Variants in ANKRD36C observed in about 807,000 individuals in gnomAD.
ANKRD36C encodes the protein ankyrin repeat domain 36C.
Under a neutral mutation model 276.4 loss-of-function variants are expected in ANKRD36C, and 61 were observed. The ratio of observed to expected loss-of-function variants is 0.22; its 90% CI spans 0.18 to 0.27. The LOEUF (loss-of-function observed/expected upper bound fraction) is 0.27, where lower values mean the gene tolerates loss of function less well. Among genes scored for constraint, ANKRD36C ranks in the 10% least tolerant of loss-of-function variants. The probability of loss-of-function intolerance (pLI) is 1.00; values close to 1 mark genes in which losing one functional copy is unlikely to be tolerated. For synonymous variants in ANKRD36C, 483 were observed against 680.1 expected (o/e 0.71, Z 4.51); for missense variants, 1,447 against 2,032.3 (o/e 0.71, Z 5.54).
chr2:95,862,321 T>C (rs1675605441), intron 60 of ANKRD36C, among the ~76,000 whole-genome samples: 1 of 151,904 alleles, frequency 6.6e-6, no homozygotes, highest in South Asian at 2.1e-4. Context: ...ATTTAAGTCA[T>C]ACAAAGTATG....
downstream of ANKRD36C, among the ~76,000 whole-genome samples, chr2:95,850,229 G>A (rs1343092130): frequency 6.6e-6 from 1 of 152,282 alleles, no homozygotes; most frequent in Non-Finnish European, 1.5e-5. Context: ...CAGCAACCAT[G>A]TGCTAAGGTA....
chr2:95,893,347 T>C (rs1676431598), intron 44 of ANKRD36C, among the ~76,000 whole-genome samples, 186 bp downstream of exon 64: 1 of 151,096 alleles, frequency 6.6e-6, no homozygotes, highest in South Asian at 2.1e-4. Flanking sequence ...TGTATAATCT[T>C]ACAGCCAAGG....
At chr2:95,890,299 T>C (rs903283168) in intron 46 of ANKRD36C, among the ~76,000 whole-genome samples, 1 of 151,646 alleles carries the variant, frequency 6.6e-6, no homozygotes, top group African/African-American at 2.4e-5. Context: ...TGATCTAAAA[T>C]CAGGGGAGCA....
intron 58 of ANKRD36C, among the ~76,000 whole-genome samples, chr2:95,879,766 A>C (rs926251903): frequency 1.3e-5 from 2 of 151,940 alleles, no homozygotes; most frequent in African/African-American, 4.8e-5. Context: ...TTGACTTTTA[A>C]AGCAAAACAA....
intron 34 of ANKRD36C, 22 bp from the exon 37 acceptor site, chr2:95,918,064 T>A (rs1398421965): frequency 6.3e-7 from 1 of 1,597,402 alleles, no homozygotes; most frequent in Non-Finnish European, 8.5e-7. Flanking sequence ...AAGGGATACA[T>A]AATCACTCAT....
At chr2:95,939,107 C>G in intron 20 of ANKRD36C, 92 bp from the exon 21 acceptor site, 3 of 1,473,598 alleles carry the variant, frequency 2.0e-6, no homozygotes, top group Non-Finnish European at 2.7e-6. Flanking sequence ...CTGAAATCTT[C>G]GTGCTTGCCC....
chr2:95,933,942 A>G (rs971864515), intron 24 of ANKRD36C, among the ~76,000 whole-genome samples: 5 of 152,286 alleles, frequency 3.3e-5, no homozygotes, highest in Non-Finnish European at 7.3e-5. Context: ...CTCATCAAAA[A>G]GTGGGTGAAG....
intron 58 of ANKRD36C, among the ~76,000 whole-genome samples, chr2:95,879,831 C>G (rs573510518): frequency 6.8e-6 from 1 of 147,542 alleles, no homozygotes; most frequent in Admixed American, 6.8e-5. Context: ...TATTGAAATT[C>G]CAAATTGGAA....
At chr2:95,969,253 G>A (rs576546325) in intron 6 of ANKRD36C, among the ~76,000 whole-genome samples, 1 of 152,272 alleles carries the variant, frequency 6.6e-6, no homozygotes, top group African/African-American at 2.4e-5. Flanking sequence ...CCTGCCATAA[G>A]TCAATCATTA....
chr2:95,857,550 T>C, intron 61 of ANKRD36C, 58 bp from the exon 82 acceptor site: 3 of 1,497,532 alleles, frequency 2.0e-6, no homozygotes, highest in Non-Finnish European at 2.7e-6. Context: ...CTCTAATTTT[T>C]TATCTTACCC....
chr2:95,948,835 A>G (rs548868737), intron 16 of ANKRD36C, among the ~76,000 whole-genome samples: 2 of 152,242 alleles, frequency 1.3e-5, no homozygotes, highest in South Asian at 4.1e-4. Flanking sequence ...GAAATATCCA[A>G]TGCAGACTCA....
intron 44 of ANKRD36C, among the ~76,000 whole-genome samples, chr2:95,896,310 C>T (rs1262081463): frequency 6.7e-6 from 1 of 149,540 alleles, no homozygotes; most frequent in East Asian, 2.0e-4. Flanking sequence ...CTTTGACATA[C>T]TTCTACAAAG....
chr2:95,920,345 G>A (rs1335124508), intron 34 of ANKRD36C, among the ~76,000 whole-genome samples: 1 of 131,924 alleles, frequency 7.6e-6, no homozygotes, highest in African/African-American at 2.6e-5. Flanking sequence ...CATTCATCAT[G>A]CTCTTTAACT....
intron 59 of ANKRD36C, among the ~76,000 whole-genome samples, chr2:95,871,792 C>T (rs1558622125): frequency 2.0e-5 from 3 of 151,780 alleles, no homozygotes; most frequent in South Asian, 2.1e-4. Flanking sequence ...CAGAGACACA[C>T]ATAGGCTCAA....
chr2:95,911,046 A>G (rs529312265), intron 42 of ANKRD36C, among the ~76,000 whole-genome samples: 2 of 151,644 alleles, frequency 1.3e-5, no homozygotes, highest in Admixed American at 1.3e-4. Flanking sequence ...ACGATACTTC[A>G]GTTGAACTTA....
Position 95,946,558 on chromosome 2 carries a change from G to T in ANKRD36C, c.1363-1384C>A, listed in dbSNP as rs1678056598. ...TTTGACCCAGCCATCCCATTACTGGGTATATACCCAAAGGACTATAAATCA... is the reference window on the plus strand; with the variant it reads ...TTTGACCCAGCCATCCCATTACTGGTTATATACCCAAAGGACTATAAATCA... On this transcript the variant is annotated intron_variant, in intron 17 of 66. Coordinates refer to ENST00000456556, the Ensembl canonical transcript of ANKRD36C. Among the ~76,000 whole-genome samples, 4 of 144,700 alleles carry T rather than the reference G, an allele frequency of 2.8e-5. No individual in the cohort carries two copies. In the South Asian group the frequency reaches 9.3e-4, roughly 34 times the overall value. 94.9% of individuals were successfully genotyped at this position (144,700 alleles called of 152,430 possible). A position where few individuals can be genotyped will look rare whatever the true frequency, so the allele number is the denominator to read the frequency against.
intron 6 of ANKRD36C, among the ~76,000 whole-genome samples, chr2:95,970,587 CT>C (rs931228709): frequency 6.6e-6 from 1 of 152,112 alleles, no homozygotes; most frequent in Non-Finnish European, 1.5e-5. Context: ...AACAACAAAT[CT>C]TTGTCACTTT....
chr2:95,935,718 T>A (rs1677697217), intron 22 of ANKRD36C, 74 bp from the exon 23 acceptor site: 1 of 1,505,208 alleles, frequency 6.6e-7, no homozygotes, highest in Non-Finnish European at 8.9e-7. Flanking sequence ...GAGATTAGGT[T>A]TCCCATGACT....
chr2:95,892,209 G>C lies in ANKRD36C; in HGVS notation c.2756-349C>G, dbSNP rs191406789. ...CACGTGAGAATAAATGTCAAAGCAG[G>C]TGCTACATGATCCCACATGTCTTTC... is the stretch of plus-strand genomic sequence containing the variant. On this transcript the variant is annotated intron_variant, in intron 44 of 66. Coordinates refer to ENST00000456556, the Ensembl canonical transcript of ANKRD36C. 8.6e-5 allele frequency among the ~76,000 whole-genome samples: 13 copies of C among 151,586 alleles called. No individual in the cohort carries two copies. In the East Asian group the frequency reaches 2.0e-3, roughly 23 times the overall value.
Sources: allele counts gnomAD v4.1 joint callset (sites outside exome capture counted in the v4.1 genomes callset), GRCh38; gene constraint gnomAD v4.1.1; transcripts MANE v1.5; gene names NCBI Gene and HGNC (gene_info 2026-07-23, HGNC 2026-07-21).